The following CAMKMT variants were observed in gnomAD, a reference collection of about 807,000 sequenced individuals.
The protein encoded by CAMKMT is calmodulin-lysine N-methyltransferase.
CAMKMT carries 53 observed loss-of-function variants against 48.0 expected under a neutral mutation model. The ratio of observed to expected loss-of-function variants is 1.10; its 90% CI spans 0.89 to 1.39. The LOEUF is 1.39. Ranked by LOEUF, CAMKMT falls within the 40% of genes most tolerant of loss-of-function variation. CAMKMT has a pLI of 0.00. For missense variants in CAMKMT, 428 were observed against 402.7 expected, an observed-to-expected ratio of 1.06 and a Z score of -0.54; for synonymous variants, 165 against 152.3, an observed-to-expected ratio of 1.08 and a Z score of -0.61.
At chr2:44,549,503 A>G in intron 3 of CAMKMT, 2 of 691,780 alleles carry the variant, frequency 2.9e-6, no homozygotes, top group South Asian at 3.1e-5. Flanking sequence ...AACCACAATT[A>G]CTTTTGCACC....
Position 44,648,806 on chromosome 2 carries a change from C to T in CAMKMT, c.377-55477C>T, listed in dbSNP as rs541138542. Among the ~76,000 whole-genome samples the T allele has an allele frequency of 2.6e-5, 4 of 152,288 alleles. No homozygotes were observed. The South Asian group carries it at 6.2e-4, about 24-fold the overall frequency. On this transcript the variant is annotated intron_variant, in intron 3 of 10. Transcript: ENST00000378494. ...CTTCATAACCCTTCTATAATCTCCA[C>T]CAGCTTTCTCCCCTAGACTACCCCA...
At chr2:44,563,004 T>G (rs758546898) in intron 3 of CAMKMT, among the ~76,000 whole-genome samples, 4 of 152,242 alleles carry the variant, frequency 2.6e-5, no homozygotes, top group Non-Finnish European at 4.4e-5. Context: ...AGGTTTTTTC[T>G]TTTTTAACAG....
chr2:44,672,801 TA>T (rs1675408220), intron 3 of CAMKMT, among the ~76,000 whole-genome samples: 1 of 152,170 alleles, frequency 6.6e-6, no homozygotes, highest in Admixed American at 6.5e-5. Flanking sequence ...ACAAGTACCT[TA>T]TTAATCATCC....
chr2:44,731,553 C>G (rs1201598508), intron 7 of CAMKMT, among the ~76,000 whole-genome samples: 2 of 152,148 alleles, frequency 1.3e-5, no homozygotes, highest in Non-Finnish European at 1.5e-5. Context: ...AACAGAGACT[C>G]TCTGTTTGAG....
At chr2:44,504,786 GTGTCTT>G (rs1670176841) in intron 3 of CAMKMT, among the ~76,000 whole-genome samples, 1 of 152,136 alleles carries the variant, frequency 6.6e-6, no homozygotes, top group Non-Finnish European at 1.5e-5. Context: ...TACCTGTTCA[GTGTCTT>G]GCCCATTGTG....
At chr2:44,550,692 A>C (rs1419262361) in intron 3 of CAMKMT, 1 of 152,126 alleles carries the variant, frequency 6.6e-6, no homozygotes, top group African/African-American at 2.4e-5. Context: ...TTCTGAACCA[A>C]AGGCATACTC....
At chr2:44,421,735 G>C (rs10165655) in intron 3 of CAMKMT, among the ~76,000 whole-genome samples, 12,415 of 152,146 alleles carry the variant, frequency 0.082, 1,648 homozygotes, top group African/African-American at 0.28. Flanking sequence ...AGAAAACTTA[G>C]GGTACACGAA....
intron 3 of CAMKMT, among the ~76,000 whole-genome samples, chr2:44,592,157 T>C (rs1670330047): frequency 6.6e-6 from 1 of 152,076 alleles, no homozygotes; most frequent in Admixed American, 6.6e-5. Context: ...GGCACATGTA[T>C]ACATATGTAA....
intron 6 of CAMKMT, among the ~76,000 whole-genome samples, chr2:44,712,321 T>A (rs1677926663): frequency 6.6e-6 from 1 of 152,170 alleles, no homozygotes; most frequent in Non-Finnish European, 1.5e-5. Flanking sequence ...TGAAATATCT[T>A]CTTGCTTAAA....
At chr2:44,732,008 G>C (rs1679101718) in intron 7 of CAMKMT, among the ~76,000 whole-genome samples, 1 of 152,236 alleles carries the variant, frequency 6.6e-6, no homozygotes, top group Non-Finnish European at 1.5e-5. Context: ...CTGGAGTACA[G>C]TGGCAAGATC....
chr2:44,384,084 C>G (rs1366689894), intron 2 of CAMKMT, among the ~76,000 whole-genome samples: 7 of 152,190 alleles, frequency 4.6e-5, no homozygotes, highest in African/African-American at 1.7e-4. Flanking sequence ...AGTTTTCATT[C>G]CCACCAGCAG....
At chr2:44,716,176 A>G (rs924705865) in intron 7 of CAMKMT, among the ~76,000 whole-genome samples, 1 of 152,094 alleles carries the variant, frequency 6.6e-6, no homozygotes, top group African/African-American at 2.4e-5. Context: ...TGTTTTCTTT[A>G]TTACTGTGAA....
intron 2 of CAMKMT, 21 bp downstream of exon 2, chr2:44,372,909 G>C: frequency 6.3e-7 from 1 of 1,582,716 alleles, no homozygotes; most frequent in Non-Finnish European, 8.6e-7. Context: ...TTCTAGTTAA[G>C]ATTTTGTAAA....
intron 3 of CAMKMT, among the ~76,000 whole-genome samples, chr2:44,681,990 C>A (rs115899498): frequency 6.6e-6 from 1 of 152,202 alleles, no homozygotes; most frequent in Non-Finnish European, 1.5e-5. Flanking sequence ...AGCTAATCCT[C>A]GGTCTCGATA....
At chr2:44,483,917 G>A (rs373104803) in intron 3 of CAMKMT, among the ~76,000 whole-genome samples, 18 of 152,240 alleles carry the variant, frequency 1.2e-4, no homozygotes, top group East Asian at 1.2e-3. Context: ...TATTTCTAGA[G>A]AAGTCTGAAT....
intron 3 of CAMKMT, among the ~76,000 whole-genome samples, chr2:44,614,403 G>C (rs1162551437): frequency 2.0e-5 from 3 of 152,266 alleles, no homozygotes; most frequent in Non-Finnish European, 4.4e-5. Flanking sequence ...CAGTTGCATT[G>C]CATTCTTCAT....
intron 3 of CAMKMT, among the ~76,000 whole-genome samples, chr2:44,688,672 G>T (rs1676471164): frequency 6.6e-6 from 1 of 152,052 alleles, no homozygotes; most frequent in African/African-American, 2.4e-5. Flanking sequence ...CTTGCTAATG[G>T]CAATTCCTGC....
At position 44,483,616 on chromosome 2, in the gene CAMKMT, A is replaced by G. The variant is rs146156344; in HGVS notation, c.376+93311A>G. Among the ~76,000 whole-genome samples the G allele has an allele frequency of 6.6e-5, 10 of 152,274 alleles. No homozygotes were observed. In the East Asian group the frequency reaches 1.9e-3, roughly 29 times the overall value. On this transcript the variant is annotated intron_variant, in intron 3 of 10. Transcript: ENST00000378494. Reference sequence around the variant, plus strand: ...AATTTGAGTATTAAGAAATTAAAGGACAAGAACATATGAAGGCCATCATGT... The same window carrying G: ...AATTTGAGTATTAAGAAATTAAAGGGCAAGAACATATGAAGGCCATCATGT...
At chr2:44,527,796 C>G (rs1451017753) in intron 3 of CAMKMT, among the ~76,000 whole-genome samples, 1 of 134,970 alleles carries the variant, frequency 7.4e-6, no homozygotes, top group African/African-American at 2.7e-5. Flanking sequence ...CCCCCCCCCC[C>G]ATTATCAATA....
Sources: allele counts gnomAD v4.1 joint callset (sites outside exome capture counted in the v4.1 genomes callset), GRCh38; gene constraint gnomAD v4.1.1; transcripts MANE v1.5; gene names NCBI Gene and HGNC (gene_info 2026-07-23, HGNC 2026-07-21).